The following PPP2CA variants were observed in gnomAD, a reference collection of about 807,000 sequenced individuals.
PPP2CA encodes the protein serine/threonine-protein phosphatase 2A catalytic subunit alpha isoform.
In PPP2CA, 5 loss-of-function variants were observed where a neutral mutation model predicts 38.8. The ratio of observed to expected loss-of-function variants is 0.13; its 90% CI spans 0.07 to 0.27. PPP2CA has a LOEUF of 0.27. Among genes scored for constraint, PPP2CA ranks in the 10% least tolerant of loss-of-function variants. PPP2CA has a pLI of 1.00. For synonymous variants in PPP2CA, 152 were observed against 134.0 expected (o/e 1.13, Z -0.93); for missense variants, 88 against 389.7 (o/e 0.23, Z 6.52).
chr5:134,220,489 A>C (rs1398353189), intron 1 of PPP2CA, among the ~76,000 whole-genome samples: 1 of 132,706 alleles, frequency 7.5e-6, no homozygotes, highest in African/African-American at 2.6e-5. Flanking sequence ...GCCCACAAAA[A>C]CAAAAATCTT....
At chr5:134,209,241 G>T (rs2149385437) in intron 1 of PPP2CA, among the ~76,000 whole-genome samples, 1 of 151,256 alleles carries the variant, frequency 6.6e-6, no homozygotes, top group Admixed American at 6.6e-5. Context: ...GATAACAGTG[G>T]TATACAGTAG....
intron 1 of PPP2CA, among the ~76,000 whole-genome samples, chr5:134,215,097 CTT>C (rs10715226): frequency 0.023 from 2,886 of 124,530 alleles, 73 homozygotes; most frequent in African/African-American, 0.074. Flanking sequence ...TATTTATTTA[CTT>C]TTTTTTTTTT....
rs183178245 is a variant in PPP2CA, at chr5:134,213,541, C to G, written c.103-7410G>C. Among the ~76,000 whole-genome samples the G allele has an allele frequency of 1.9e-3, 284 of 151,642 alleles. 1 individual carries two copies. Among genetic ancestry groups the G allele is most frequent in the Admixed American group, 3.5e-3 (54 of 15,242 alleles). ...TGGTACACACCTGTAGTACCAGCTA[C>G]TTGGAAGGCTGTGGCAGGAGGATTG... On this transcript the variant is annotated intron_variant, in intron 1 of 6. Coordinates refer to ENST00000481195, the MANE Select transcript of PPP2CA (RefSeq NM_002715.4).
intron 1 of PPP2CA, among the ~76,000 whole-genome samples, chr5:134,211,325 C>T (rs1026905876): frequency 7.2e-5 from 11 of 152,114 alleles, no homozygotes; most frequent in African/African-American, 2.7e-4. Flanking sequence ...TTCCAACCCA[C>T]TATAAAATAA....
intron 2 of PPP2CA, chr5:134,205,468 G>A (rs4431385): frequency 0.74 from 117,224 of 157,350 alleles, 44,173 homozygotes; most frequent in Non-Finnish European, 0.82. Context: ...TGCAACCTCC[G>A]CCTCCCAGGT....
At chr5:134,206,244 A>C (rs1762080246) in intron 1 of PPP2CA, 113 bp from the exon 2 acceptor site, 1 of 870,774 alleles carries the variant, frequency 1.1e-6, no homozygotes, top group Admixed American at 2.7e-5. Context: ...CTAAGATAAA[A>C]TTGCAGGCAT....
At chr5:134,216,165 G>C (rs944514141) in intron 1 of PPP2CA, among the ~76,000 whole-genome samples, 2 of 152,054 alleles carry the variant, frequency 1.3e-5, no homozygotes, top group African/African-American at 4.8e-5. Context: ...CCAATATTTG[G>C]GGTTAATATT....
At chr5:134,225,637 C>T (rs1283723591) in intron 1 of PPP2CA, 123 bp downstream of exon 1, 7 of 755,472 alleles carry the variant, frequency 9.3e-6, no homozygotes, top group African/African-American at 1.9e-5. Flanking sequence ...GGATGGGCGC[C>T]GGTCTCGGAG....
chr5:134,201,828 T>A lies in PPP2CA; in HGVS notation c.486+20A>T. On this transcript the variant is annotated intron_variant, in intron 3 of 6. Coordinates refer to ENST00000481195, the MANE Select transcript of PPP2CA (RefSeq NM_002715.4). The stretch of plus-strand genomic sequence containing the variant: ...GCAGATTCTCTGAAATAATCAGCAA[T>A]GAGTTTTAGATCCACATACCTGCCC... 6.2e-7 allele frequency: 1 copy of A among 1,606,718 alleles called. No homozygotes were observed. Among genetic ancestry groups the A allele is most frequent in the Non-Finnish European group, 8.5e-7 (1 of 1,177,210 alleles).
At chr5:134,224,047 A>G (rs1762503830) in intron 1 of PPP2CA, among the ~76,000 whole-genome samples, 1 of 152,210 alleles carries the variant, frequency 6.6e-6, no homozygotes, top group South Asian at 2.1e-4. Context: ...CTCGCAGTCC[A>G]GTCTTCCAGT....
intron 1 of PPP2CA, among the ~76,000 whole-genome samples, chr5:134,209,098 T>C (rs1374010156): frequency 6.6e-6 from 1 of 152,200 alleles, no homozygotes; most frequent in Non-Finnish European, 1.5e-5. Flanking sequence ...TATCAAATTG[T>C]CCTTTAAAAT....
intron 1 of PPP2CA, among the ~76,000 whole-genome samples, chr5:134,220,724 G>A (rs1191388658): frequency 6.6e-6 from 1 of 152,134 alleles, no homozygotes; most frequent in African/African-American, 2.4e-5. Context: ...TCCAAACTAA[G>A]CAAAGGCTAT....
chr5:134,203,933 T>C (rs1762022033), intron 2 of PPP2CA, among the ~76,000 whole-genome samples: 1 of 152,200 alleles, frequency 6.6e-6, no homozygotes, highest in African/African-American at 2.4e-5. Context: ...GCTGCTTGCA[T>C]ACTCTTAAAG....
rs538869130 is a variant in PPP2CA at position 134,214,683 on chromosome 5, T to C, written c.103-8552A>G. ...AGTTGTCCATGAATATTTTTGAACA[T>C]CTGATCATTAAGAGCTAGATGATGT... is the stretch of plus-strand genomic sequence containing the variant. On this transcript the variant is annotated intron_variant, in intron 1 of 6. Coordinates refer to ENST00000481195, the MANE Select transcript of PPP2CA (RefSeq NM_002715.4). Among the ~76,000 whole-genome samples the C allele has an allele frequency of 1.7e-3, 256 of 152,362 alleles. 2 individuals carry two copies. In the South Asian group the frequency reaches 0.028, roughly 17 times the overall value.
chr5:134,210,601 TGGGAGG>T, intron 1 of PPP2CA, among the ~76,000 whole-genome samples: 1 of 152,180 alleles, frequency 6.6e-6, no homozygotes, highest in Non-Finnish European at 1.5e-5. Context: ...CCCAGCACTT[TGGGAGG>T]CCAAGGCAGG....
At chr5:134,197,968 CAG>C in intron 6 of PPP2CA, 124 bp from the exon 7 acceptor site, 1 of 769,812 alleles carries the variant, frequency 1.3e-6, no homozygotes, top group Non-Finnish European at 2.3e-6. Context: ...CTTAATGTAA[CAG>C]AACCTTAATG....
intron 1 of PPP2CA, among the ~76,000 whole-genome samples, chr5:134,210,451 CAAACCTTTTGCTTCCCCTAAA>C (rs1762180210): frequency 6.6e-6 from 1 of 152,168 alleles, no homozygotes; most frequent in Admixed American, 6.5e-5. Flanking sequence ...ACACGCATAC[CAAACCTTTTGCTTCCCCTAAA>C]ACATTTTTCC....
chr5:134,220,026 A>C (rs1270983535), intron 1 of PPP2CA, among the ~76,000 whole-genome samples: 1 of 151,696 alleles, frequency 6.6e-6, no homozygotes, highest in Non-Finnish European at 1.5e-5. Flanking sequence ...AAAAAAAAAA[A>C]AAAAAGCAGT....
intron 1 of PPP2CA, among the ~76,000 whole-genome samples, chr5:134,208,987 T>C (rs1580643143): frequency 6.6e-6 from 1 of 152,158 alleles, no homozygotes; most frequent in African/African-American, 2.4e-5. Context: ...ATCCTCGTAT[T>C]TTCTCCTCTG....
Sources: gnomAD v4.1 joint callset for allele counts (sites outside exome capture counted in the v4.1 genomes callset) on GRCh38, gnomAD v4.1.1 for gene constraint, MANE v1.5 for transcripts, NCBI Gene and HGNC (gene_info 2026-07-23, HGNC 2026-07-21) for gene names.